The following STK24 variants were observed in gnomAD, a reference collection of about 807,000 sequenced individuals.
STK24 encodes serine/threonine-protein kinase 24.
STK24 carries 21 observed loss-of-function variants against 55.6 expected under a neutral mutation model. The observed-to-expected ratio is 0.38, with a 90% CI of 0.27 to 0.54. The LOEUF is 0.54. Ranked by LOEUF, STK24 falls within the 20% of genes least tolerant of loss-of-function variation. STK24 has a pLI of 0.79. For synonymous variants in STK24, 200 were observed against 215.2 expected (o/e 0.93, Z 0.62); for missense variants, 383 against 538.4 (o/e 0.71, Z 2.86).
At chr13:98,491,498 A>G (rs2139323582) in intron 2 of STK24, among the ~76,000 whole-genome samples, 1 of 152,346 alleles carries the variant, frequency 6.6e-6, no homozygotes, top group East Asian at 1.9e-4. Context: ...AACCTGAAAT[A>G]ACACAAAGAG....
chr13:98,446,887 C>T lies in STK24; in HGVS notation c.*6286G>A. On this transcript the variant is annotated 3_prime_UTR_variant, in exon 11 of 11. Coordinates refer to ENST00000539966, the MANE Select transcript of STK24 (RefSeq NM_001032296.4). ...CCCTCTTCCAAACATCAGGATTTCT[C>T]CCAAGTCAGCGAGTGAGATGGCCCC... The T allele has an allele frequency of 3.9e-6, 6 of 1,549,326 alleles. 1 individual carries two copies. In the South Asian group the frequency reaches 5.8e-5, roughly 15 times the overall value.
intron 3 of STK24, among the ~76,000 whole-genome samples, chr13:98,475,935 T>G (rs79218828): frequency 6.6e-6 from 1 of 152,164 alleles, no homozygotes; most frequent in African/African-American, 2.4e-5. Context: ...TGTATTAGAA[T>G]TTTTTAAATC....
intron 1 of STK24, among the ~76,000 whole-genome samples, chr13:98,535,373 A>C (rs1896696426): frequency 4.4e-5 from 1 of 22,924 alleles, no homozygotes; most frequent in Non-Finnish European, 1.2e-4. Flanking sequence ...AAAAAAAAAT[A>C]TATATATATA....
At chr13:98,567,556 T>TG (rs1213158428) in intron 1 of STK24, among the ~76,000 whole-genome samples, 3 of 152,184 alleles carry the variant, frequency 2.0e-5, no homozygotes, top group Non-Finnish European at 4.4e-5. Flanking sequence ...CAGTTCAAGT[T>TG]GGGGAGGTGG....
At chr13:98,503,675 G>T (rs879813908) in intron 2 of STK24, among the ~76,000 whole-genome samples, 1 of 152,294 alleles carries the variant, frequency 6.6e-6, no homozygotes, top group South Asian at 2.1e-4. Flanking sequence ...GCCTTACAAG[G>T]GCACTGCTTC....
chr13:98,476,219 T>A (rs1263754750), intron 3 of STK24, among the ~76,000 whole-genome samples: 1 of 150,224 alleles, frequency 6.7e-6, no homozygotes, highest in Non-Finnish European at 1.5e-5. Context: ...TAACAAAGGC[T>A]CACTTCAAAC....
chr13:98,531,284 T>C (rs1297392257), intron 1 of STK24, among the ~76,000 whole-genome samples: 1 of 152,226 alleles, frequency 6.6e-6, no homozygotes, highest in African/African-American at 2.4e-5. Context: ...TTATAAAATA[T>C]CTACACATGC....
chr13:98,576,772 CG>C lies in STK24; in HGVS notation c.14del (p.Pro5ArgfsTer12). 1 of 1,441,920 alleles carries C rather than the reference CG, an allele frequency of 6.9e-7. No homozygotes were observed. Among genetic ancestry groups the C allele is most frequent in the Non-Finnish European group, 9.1e-7 (1 of 1,099,172 alleles). The allele number at this position is 1,441,920 out of a possible 1,614,324, so 89.3% of individuals were successfully genotyped here. ...GCATGCCGGGCAGGCCCGACTGCACCGGGGAGTGAGCCATGGCGCTCAGGAC... is the reference window on the plus strand; with the variant it reads ...GCATGCCGGGCAGGCCCGACTGCACCGGGAGTGAGCCATGGCGCTCAGGAC... Reference protein sequence around the residue: MAHSPVQSGLPGMQN... With the variant: MAHSXVQSGLPGMQN... On this transcript the variant is annotated frameshift_variant, in exon 1 of 11. Coordinates refer to ENST00000539966, the MANE Select transcript of STK24 (RefSeq NM_001032296.4). LOFTEE classifies it high-confidence loss of function.
intron 2 of STK24, among the ~76,000 whole-genome samples, chr13:98,506,967 C>G (rs1662844585): frequency 6.6e-6 from 1 of 152,212 alleles, no homozygotes; most frequent in African/African-American, 2.4e-5. Context: ...GGGAACCTCA[C>G]TGGACACATG....
chr13:98,568,786 G>A (rs1897656869), intron 1 of STK24, among the ~76,000 whole-genome samples: 1 of 151,994 alleles, frequency 6.6e-6, no homozygotes, highest in African/African-American at 2.4e-5. Flanking sequence ...GAGAATCACT[G>A]GAACCTGGGG....
chr13:98,519,691 G>A (rs1477475294), intron 1 of STK24, among the ~76,000 whole-genome samples: 2 of 152,198 alleles, frequency 1.3e-5, no homozygotes, highest in African/African-American at 2.4e-5. Context: ...ATGAAAGGCA[G>A]CAAGCGTACA....
intron 1 of STK24, among the ~76,000 whole-genome samples, chr13:98,545,670 AG>A (rs1489728297): frequency 6.6e-6 from 1 of 151,190 alleles, no homozygotes; most frequent in Non-Finnish European, 1.5e-5. Context: ...ACTTGGCTTC[AG>A]GAAGAAGATT....
At chr13:98,551,811 C>T (rs1213184462) in intron 1 of STK24, among the ~76,000 whole-genome samples, 1 of 152,218 alleles carries the variant, frequency 6.6e-6, no homozygotes, top group African/African-American at 2.4e-5. Flanking sequence ...GCATCTTCCC[C>T]AGGCTCCACC....
Position 98,446,958 on chromosome 13 carries a change from C to T in STK24, c.*6215G>A, listed in dbSNP as rs750665593. On this transcript the variant is annotated 3_prime_UTR_variant, in exon 11 of 11. Transcript: ENST00000539966. ...CGTTTAGACCTGGGGTCCCACTGCC[C>T]GACACCAGCAGGCGATTCTGTTCTC... The T allele has an allele frequency of 3.2e-5, 27 of 832,458 alleles. No individual in the cohort carries two copies. The highest frequency in any genetic ancestry group is 1.2e-4 in the African/African-American group (7 of 58,694). The allele number at this position is 832,458 out of a possible 1,614,324, so 51.6% of individuals were successfully genotyped here.
chr13:98,491,043 G>C (rs1351711473), intron 2 of STK24, among the ~76,000 whole-genome samples: 1 of 152,150 alleles, frequency 6.6e-6, no homozygotes, highest in East Asian at 1.9e-4. Context: ...GGTGGAGAGG[G>C]AAGCACTGGT....
intron 5 of STK24, among the ~76,000 whole-genome samples, 177 bp from the exon 6 acceptor site, chr13:98,466,738 CTG>C (rs1484271138): frequency 6.6e-6 from 1 of 152,210 alleles, no homozygotes; most frequent in Non-Finnish European, 1.5e-5. Context: ...ACAGGAGAAA[CTG>C]TAATATGCCA....
chr13:98,553,723 T>C (rs556659199), intron 1 of STK24: 25 of 151,988 alleles, frequency 1.6e-4, no homozygotes, highest in Admixed American at 5.2e-4. Flanking sequence ...GAATGCCCGA[T>C]GAAGTACAAA....
intron 1 of STK24, chr13:98,542,849 T>A: frequency 6.1e-6 from 6 of 979,696 alleles, no homozygotes; most frequent in East Asian, 1.1e-4. Context: ...TTACCCTGTA[T>A]GTCCGTAAGA....
At chr13:98,559,808 T>C (rs1301912298) in intron 1 of STK24, among the ~76,000 whole-genome samples, 1 of 151,448 alleles carries the variant, frequency 6.6e-6, no homozygotes, top group African/African-American at 2.4e-5. Context: ...TCCAGCAAAA[T>C]TCAGGAGCAC....
Sources: gnomAD v4.1 joint callset for allele counts (sites outside exome capture counted in the v4.1 genomes callset) on GRCh38, gnomAD v4.1.1 for gene constraint, MANE v1.5 for transcripts, NCBI Gene and HGNC (gene_info 2026-07-23, HGNC 2026-07-21) for gene names.